ZNF532: variants seen among roughly 807,000 people sequenced by gnomAD.
The protein encoded by ZNF532 is zinc finger protein 532.
In ZNF532, 22 loss-of-function variants were observed where a neutral mutation model predicts 89.3. That is an observed-to-expected ratio of 0.25 (90% CI 0.18 to 0.35). ZNF532 has a LOEUF of 0.35. Among genes scored for constraint, ZNF532 ranks in the 10% least tolerant of loss-of-function variants. The probability of loss-of-function intolerance (pLI) is 1.00; values close to 1 mark genes in which losing one functional copy is unlikely to be tolerated. For missense variants in ZNF532, 1,132 were observed against 1,643.4 expected (o/e 0.69, Z 5.38); for synonymous variants, 606 against 649.6 (o/e 0.93, Z 1.02).
chr18:58,966,092 T>TA (rs1169905129), intron 7 of ZNF532, among the ~76,000 whole-genome samples: 12 of 152,124 alleles, frequency 7.9e-5, no homozygotes, highest in Admixed American at 7.2e-4. Context: ...ATAATTGTGT[T>TA]ACCTTCACAC....
At chr18:58,964,252 GTAAAAAA>G (rs1359158221) in intron 7 of ZNF532, 4 of 152,128 alleles carry the variant, frequency 2.6e-5, no homozygotes, top group Non-Finnish European at 5.9e-5. Flanking sequence ...CTAGCAACAG[GTAAAAAA>G]TTTTTTAAAA....
intron 2 of ZNF532, among the ~76,000 whole-genome samples, chr18:58,873,084 T>C (rs963627478): frequency 2.2e-4 from 34 of 151,798 alleles, no homozygotes; most frequent in Non-Finnish European, 4.7e-4. Flanking sequence ...CTTTGCTCAC[T>C]GCAGCCTTAA....
chr18:58,903,587 C>T (rs1180305073), intron 2 of ZNF532, among the ~76,000 whole-genome samples: 1 of 151,596 alleles, frequency 6.6e-6, no homozygotes, highest in Non-Finnish European at 1.5e-5. Flanking sequence ...TGCAAAATAG[C>T]GCCAGGGAAG....
chr18:58,967,746 C>T (rs888607563), intron 7 of ZNF532, among the ~76,000 whole-genome samples: 2 of 152,204 alleles, frequency 1.3e-5, no homozygotes, highest in Non-Finnish European at 2.9e-5. Context: ...CTGCTTCAGA[C>T]CTCAGTTTGG....
At chr18:58,916,860 G>T in intron 2 of ZNF532, 1 of 478,042 alleles carries the variant, frequency 2.1e-6, no homozygotes, top group Non-Finnish European at 2.7e-6. Context: ...TTAGGAATGT[G>T]TGATGTTTTC....
upstream of ZNF532, chr18:58,863,312 G>C (rs983317761): frequency 1.1e-4 from 16 of 151,478 alleles, no homozygotes; most frequent in Non-Finnish European, 1.9e-4. Flanking sequence ...GCCCCGTATG[G>C]GCGAGACTTG....
chr18:58,955,810 G>A (rs536703178), intron 7 of ZNF532, among the ~76,000 whole-genome samples: 50 of 152,280 alleles, frequency 3.3e-4, no homozygotes, highest in African/African-American at 1.2e-3. Flanking sequence ...TACTAGCATT[G>A]TACAGTGTTC....
intron 2 of ZNF532, among the ~76,000 whole-genome samples, chr18:58,899,337 C>T (rs1261720151): frequency 6.6e-6 from 1 of 152,184 alleles, no homozygotes; most frequent in East Asian, 1.9e-4. Context: ...ACTTGGCATC[C>T]TTTATTTTTC....
At chr18:58,958,065 C>CA (rs71336311) in intron 7 of ZNF532, among the ~76,000 whole-genome samples, 32,852 of 124,426 alleles carry the variant, frequency 0.26, 4,199 homozygotes, top group Middle Eastern at 0.43. Flanking sequence ...GACAATGTGT[C>CA]AAAAAAAAAA....
At chr18:58,891,563 T>C (rs1004795671) in intron 2 of ZNF532, among the ~76,000 whole-genome samples, 2 of 152,078 alleles carry the variant, frequency 1.3e-5, no homozygotes, top group Non-Finnish European at 2.9e-5. Flanking sequence ...CGCTTGTACT[T>C]ACGAACATTT....
At chr18:58,942,184 G>A (rs1228338054) in intron 5 of ZNF532, among the ~76,000 whole-genome samples, 12 of 151,472 alleles carry the variant, frequency 7.9e-5, no homozygotes, top group South Asian at 2.1e-4. Context: ...CACCACGCCT[G>A]GCTAATTTTT....
In ZNF532 at chr18:58,914,047, A is replaced by C. The variant is rs143452152; in HGVS notation, c.-17-4224A>C. ...AACAATTTTTTTATTGCAAAGGAAG[A>C]AGAATTTTGTTACAAAGTATGAGAA... On this transcript the variant is annotated intron_variant, in intron 2 of 9. Coordinates refer to ENST00000591808, the MANE Select transcript of ZNF532 (RefSeq NM_001375912.1). Among the ~76,000 whole-genome samples the C allele has an allele frequency of 5.0e-3, 758 of 152,358 alleles. 2 individuals carry two copies. The highest frequency in any genetic ancestry group is 8.2e-3 in the Non-Finnish European group (558 of 68,034).
At chr18:58,862,946 G>A (rs1485194590), upstream of ZNF532, 2 of 152,176 alleles carry the variant, frequency 1.3e-5, no homozygotes, top group East Asian at 3.8e-4. Context: ...CTCAGTTGAA[G>A]GCGAAAAGGG....
chr18:58,942,007 C>CTTTCT (rs1300198995), intron 5 of ZNF532, among the ~76,000 whole-genome samples: 1 of 133,968 alleles, frequency 7.5e-6, no homozygotes, highest in African/African-American at 2.8e-5. Context: ...TTCCTTCCTT[C>CTTTCT]TTTCTTTTCT....
intron 2 of ZNF532, among the ~76,000 whole-genome samples, chr18:58,891,629 A>G (rs2058910506): frequency 6.6e-6 from 1 of 152,242 alleles, no homozygotes; most frequent in Non-Finnish European, 1.5e-5. Context: ...AAGACTTTTT[A>G]CTGTTAGTGT....
At chr18:58,976,637 A>G (rs1260901410) in intron 7 of ZNF532, among the ~76,000 whole-genome samples, 1 of 152,040 alleles carries the variant, frequency 6.6e-6, no homozygotes, top group Non-Finnish European at 1.5e-5. Context: ...AACCACTGCA[A>G]TTCTTCTGCC....
chr18:58,951,928 C>T (rs1054369997), intron 6 of ZNF532, among the ~76,000 whole-genome samples: 34 of 152,278 alleles, frequency 2.2e-4, no homozygotes, highest in Admixed American at 2.0e-3. Flanking sequence ...GGATTACAGG[C>T]GTGAGCCACT....
At chr18:58,939,263 A>AAAAC (rs1156762041) in intron 4 of ZNF532, among the ~76,000 whole-genome samples, 182 bp from the exon 5 acceptor site, 67 of 149,620 alleles carry the variant, frequency 4.5e-4, no homozygotes, top group Non-Finnish European at 9.1e-4. Flanking sequence ...AAAAAAAAAA[A>AAAAC]AAAAAAAAAA....
intron 2 of ZNF532, among the ~76,000 whole-genome samples, chr18:58,899,742 C>T (rs2059481913): frequency 6.6e-6 from 1 of 152,194 alleles, no homozygotes; most frequent in African/African-American, 2.4e-5. Flanking sequence ...GCTGGGATGA[C>T]AGGCGTGAGC....
Sources: allele counts gnomAD v4.1 joint callset (sites outside exome capture counted in the v4.1 genomes callset), GRCh38; gene constraint gnomAD v4.1.1; transcripts MANE v1.5; gene names NCBI Gene and HGNC (gene_info 2026-07-23, HGNC 2026-07-21).